TNIK: variants seen among roughly 807,000 people sequenced by gnomAD.
The protein encoded by TNIK is TRAF2 and NCK interacting kinase.
TNIK carries 49 observed loss-of-function variants against 191.3 expected under a neutral mutation model. The ratio of observed to expected loss-of-function variants is 0.26; its 90% CI spans 0.20 to 0.32. TNIK has a LOEUF of 0.32. Ranked by LOEUF, TNIK falls within the 10% of genes least tolerant of loss-of-function variation. TNIK has a pLI of 1.00. For missense variants in TNIK, 1,155 were observed against 1,702.3 expected, an observed-to-expected ratio of 0.68 and a Z score of 5.66; for synonymous variants, 594 against 600.9, an observed-to-expected ratio of 0.99 and a Z score of 0.17.
chr3:171,452,729 A>AACACACACACACACACAAACAC (rs1447927451), intron 1 of TNIK, among the ~76,000 whole-genome samples: 20 of 142,546 alleles, frequency 1.4e-4, no homozygotes, highest in African/African-American at 5.1e-4. Context: ...ACACACTCCA[A>AACACACACACACACACAAACAC]ACACACACAC....
chr3:171,128,740 G>C lies in TNIK; in HGVS notation c.1747C>G (p.Pro583Ala), dbSNP rs781181439. Residue 583 changes from proline to alanine, a missense_variant, in exon 16 of 33, where the codon CCC becomes GCC. Physicochemically the swap from Pro to Ala is conservative, Grantham distance 27. Coordinates refer to ENST00000436636, the MANE Select transcript of TNIK (RefSeq NM_015028.4). Reference sequence around the variant, plus strand: ...TGGGGATCGACTGGTCTGAGCATGGGGGGTGTTCGAGCAGGCTGAACTCCA... The same window carrying C: ...TGGGGATCGACTGGTCTGAGCATGGCGGGTGTTCGAGCAGGCTGAACTCCA... ...ISGVQPARTP[P>A]MLRPVDPQIP... 6.2e-6 allele frequency: 10 copies of C among 1,613,180 alleles called. No homozygotes were observed. The highest frequency in any genetic ancestry group is 4.0e-5 in the African/African-American group (3 of 74,778).
intron 18 of TNIK, among the ~76,000 whole-genome samples, chr3:171,115,057 T>C (rs1048718258): frequency 7.4e-4 from 112 of 152,354 alleles, no homozygotes; most frequent in African/African-American, 2.7e-3. Context: ...CTCTAAAAAA[T>C]GTACTGCTCA....
intron 28 of TNIK, among the ~76,000 whole-genome samples, chr3:171,072,950 G>A (rs1480605409): frequency 1.3e-5 from 2 of 152,088 alleles, no homozygotes; most frequent in Non-Finnish European, 2.9e-5. Flanking sequence ...AACATCCCGT[G>A]CTCATGGATA....
intron 1 of TNIK, among the ~76,000 whole-genome samples, chr3:171,386,102 G>C (rs187231292): frequency 7.2e-5 from 11 of 152,258 alleles, no homozygotes; most frequent in Middle Eastern, 3.4e-3. Flanking sequence ...TACATGCACT[G>C]TACCTAGGCT....
chr3:171,330,799 T>C (rs1364412591), intron 2 of TNIK, among the ~76,000 whole-genome samples: 1 of 152,142 alleles, frequency 6.6e-6, no homozygotes, highest in East Asian at 1.9e-4. Context: ...ATTATGATTG[T>C]AGCAAACCAA....
intron 2 of TNIK, among the ~76,000 whole-genome samples, chr3:171,262,470 C>A (rs1747767770): frequency 6.6e-6 from 1 of 152,194 alleles, no homozygotes; most frequent in Non-Finnish European, 1.5e-5. Flanking sequence ...CCTTAAAATA[C>A]TCTGAAAGAT....
chr3:171,339,315 G>A (rs1339701792), intron 2 of TNIK, among the ~76,000 whole-genome samples: 1 of 152,184 alleles, frequency 6.6e-6, no homozygotes, highest in Non-Finnish European at 1.5e-5. Flanking sequence ...CATGAGTGTG[G>A]CTCTAGCCAT....
chr3:171,228,347 A>AGACAC (rs1320124146), intron 2 of TNIK, 126 bp from the exon 3 acceptor site: 1 of 858,124 alleles, frequency 1.2e-6, no homozygotes, highest in Non-Finnish European at 1.8e-6. Flanking sequence ...AGAGAAAGAC[A>AGACAC]GACACACACA....
intron 2 of TNIK, among the ~76,000 whole-genome samples, chr3:171,252,638 G>A (rs1331711019): frequency 6.6e-6 from 1 of 152,186 alleles, no homozygotes; most frequent in African/African-American, 2.4e-5. Flanking sequence ...AATTAAATTA[G>A]AGCGATATTT....
intron 2 of TNIK, among the ~76,000 whole-genome samples, chr3:171,281,471 T>C (rs1340851440): frequency 6.6e-6 from 1 of 152,222 alleles, no homozygotes; most frequent in African/African-American, 2.4e-5. Flanking sequence ...CTATTTATCT[T>C]ATTTAAGTCT....
At chr3:171,351,862 A>G (rs1436977662) in intron 2 of TNIK, among the ~76,000 whole-genome samples, 1 of 152,192 alleles carries the variant, frequency 6.6e-6, no homozygotes, top group Non-Finnish European at 1.5e-5. Context: ...TCCCAGGAGA[A>G]CCATTCAACA....
chr3:171,079,679 C>A (rs760838437), intron 27 of TNIK, 27 bp from the exon 28 acceptor site: 20 of 1,583,526 alleles, frequency 1.3e-5, no homozygotes, highest in Non-Finnish European at 1.5e-5. Flanking sequence ...GGTTTAATTT[C>A]AAATTGCTGT....
chr3:171,415,830 A>T (rs7650691), intron 1 of TNIK, among the ~76,000 whole-genome samples: 56,330 of 151,262 alleles, frequency 0.37, 12,285 homozygotes, highest in Non-Finnish European at 0.49. Flanking sequence ...AAAATACAAA[A>T]ATTAGCCAGG....
rs1721024271 is a variant in TNIK, at chr3:171,084,033, C to G, written c.3169+122G>C. 3.0e-6 allele frequency: 4 copies of G among 1,317,582 alleles called. No individual in the cohort carries two copies. The South Asian group carries it at 7.4e-5, about 24-fold the overall frequency. The allele number at this position is 1,317,582 out of a possible 1,614,324, so 81.6% of individuals were successfully genotyped here. ...GTCAAGATAGTCCCAAGTTAGGTCT[C>G]TAATACCCAGGATTCAACCAGTGTT... On this transcript the variant is annotated intron_variant, in intron 26 of 32. Coordinates refer to ENST00000436636, the MANE Select transcript of TNIK (RefSeq NM_015028.4).
intron 1 of TNIK, among the ~76,000 whole-genome samples, chr3:171,401,413 T>C (rs544957969): frequency 6.6e-6 from 1 of 152,068 alleles, no homozygotes; most frequent in Non-Finnish European, 1.5e-5. Context: ...AGATGCACAA[T>C]GCTGTCTAAC....
At chr3:171,175,059 G>C (rs1735801896) in intron 9 of TNIK, among the ~76,000 whole-genome samples, 193 bp downstream of exon 9, 1 of 152,172 alleles carries the variant, frequency 6.6e-6, no homozygotes, top group Non-Finnish European at 1.5e-5. Context: ...GGGGAATAAA[G>C]ACCTGCTGTA....
intron 16 of TNIK, 32 bp downstream of exon 16, chr3:171,128,682 G>A: frequency 6.3e-7 from 1 of 1,582,520 alleles, no homozygotes; most frequent in East Asian, 2.2e-5. Flanking sequence ...GCAACTTATT[G>A]GAATGCCTGA....
At chr3:171,318,648 C>G (rs1369930672) in intron 2 of TNIK, among the ~76,000 whole-genome samples, 1 of 152,098 alleles carries the variant, frequency 6.6e-6, no homozygotes, top group South Asian at 2.1e-4. Flanking sequence ...CATGGTCTAT[C>G]GATTTTATCC....
At chr3:171,243,388 T>C (rs1297914326) in intron 2 of TNIK, among the ~76,000 whole-genome samples, 1 of 151,662 alleles carries the variant, frequency 6.6e-6, no homozygotes, top group Non-Finnish European at 1.5e-5. Context: ...ATGAAGAAAA[T>C]CTAATTTCAC....
Sources: allele counts gnomAD v4.1 joint callset (sites outside exome capture counted in the v4.1 genomes callset), GRCh38; gene constraint gnomAD v4.1.1; transcripts MANE v1.5; gene names NCBI Gene and HGNC (gene_info 2026-07-23, HGNC 2026-07-21).